The following CARF variants were observed in gnomAD, a reference collection of about 807,000 sequenced individuals.
The protein encoded by CARF is calcium-responsive transcription factor.
A neutral mutation model predicts 82.0 loss-of-function variants in CARF; 57 were observed. The observed-to-expected ratio is 0.70, with a 90% CI of 0.56 to 0.87. The LOEUF (loss-of-function observed/expected upper bound fraction) is 0.87, where lower values mean the gene tolerates loss of function less well. Among genes scored for constraint, CARF ranks in the 40% least tolerant of loss-of-function variants. The pLI is 0.00. For synonymous variants in CARF, 268 were observed against 290.1 expected, an observed-to-expected ratio of 0.92 and a Z score of 0.77; for missense variants, 771 against 855.8, an observed-to-expected ratio of 0.90 and a Z score of 1.24.
intron 8 of CARF, among the ~76,000 whole-genome samples, chr2:202,957,953 A>G (rs1356064004): frequency 6.6e-6 from 1 of 152,124 alleles, no homozygotes; most frequent in East Asian, 1.9e-4. Flanking sequence ...CAAAAAAAAA[A>G]ATTAAAAAAT....
chr2:202,933,249 T>C lies in CARF; in HGVS notation c.-43-8611T>C, dbSNP rs374486045. On this transcript the variant is annotated intron_variant, in intron 3 of 16. Transcript: ENST00000438828. ...ATGTTGGGCCACTGGGCTAGTGTGA[T>C]TCAGTCTTGGCTTAGCCTCAGGGAT... 1.7e-4 allele frequency among the ~76,000 whole-genome samples: 26 copies of C among 152,242 alleles called. No homozygotes were observed. The East Asian group carries it at 3.3e-3, about 19-fold the overall frequency.
intron 6 of CARF, among the ~76,000 whole-genome samples, 163 bp from the exon 7 acceptor site, chr2:202,953,837 TTAAAG>T (rs1355447359): frequency 6.6e-6 from 1 of 152,172 alleles, no homozygotes; most frequent in Non-Finnish European, 1.5e-5. Flanking sequence ...GTATTATAAT[TTAAAG>T]TAAACAAGTA....
chr2:202,927,124 CT>C (rs541369915), intron 3 of CARF, among the ~76,000 whole-genome samples: 18 of 152,080 alleles, frequency 1.2e-4, no homozygotes, highest in African/African-American at 3.9e-4. Context: ...CTTATTTGTG[CT>C]TTTTTTTCTT....
Position 202,961,266 on chromosome 2 carries a change from TGTAA to T in CARF, c.675_678del (p.Ser226ArgfsTer4), listed in dbSNP as rs753767587. The T allele has an allele frequency of 1.4e-5, 22 of 1,613,806 alleles. No individual in the cohort carries two copies. The highest frequency in any genetic ancestry group is 3.3e-4 in the Middle Eastern group (2 of 6,082). ...TTGGAGATTCATACCGTGGCTACTGTGTAAGTGAGACTGAATTAGAAAGTGTCCT... is the reference window on the plus strand; with the variant it reads ...TTGGAGATTCATACCGTGGCTACTGTGTGAGACTGAATTAGAAAGTGTCCT... On this transcript the variant is annotated frameshift_variant, in exon 9 of 17. Coordinates refer to ENST00000438828, the MANE Select transcript of CARF (RefSeq NM_024744.17). LOFTEE classifies it high-confidence loss of function.
At chr2:202,951,821 C>G (rs1351339745) in intron 5 of CARF, among the ~76,000 whole-genome samples, 1 of 151,042 alleles carries the variant, frequency 6.6e-6, no homozygotes, top group Non-Finnish European at 1.5e-5. Flanking sequence ...TTTAATTAGA[C>G]ATTTATCAAG....
chr2:202,922,267 C>T (rs1690971495), intron 2 of CARF, among the ~76,000 whole-genome samples: 1 of 152,040 alleles, frequency 6.6e-6, no homozygotes, highest in South Asian at 2.1e-4. Context: ...CACATGCCAC[C>T]ACACCCAGCT....
intron 11 of CARF, 70 bp from the exon 12 acceptor site, chr2:202,971,435 C>A: frequency 1.1e-6 from 1 of 877,228 alleles, no homozygotes; most frequent in South Asian, 1.9e-5. Context: ...ATGATTCCTA[C>A]TTTGGTCTAA....
intron 12 of CARF, chr2:202,973,452 A>G (rs146569169): frequency 0.011 from 4,837 of 435,694 alleles, 58 homozygotes; most frequent in Non-Finnish European, 0.017. Context: ...TTCTATTTCT[A>G]TCTTCTTTTG....
intron 14 of CARF, among the ~76,000 whole-genome samples, chr2:202,977,938 C>G (rs72932553): frequency 6.6e-6 from 1 of 152,224 alleles, no homozygotes; most frequent in East Asian, 1.9e-4. Context: ...CTCAGCCTCC[C>G]GGGTTCAAGT....
intron 1 of CARF, among the ~76,000 whole-genome samples, chr2:202,913,957 C>G (rs1689123393): frequency 6.6e-6 from 1 of 152,126 alleles, no homozygotes; most frequent in Non-Finnish European, 1.5e-5. Flanking sequence ...CTAAAATACA[C>G]TTTTCATTTG....
At chr2:202,944,333 TTGAATTTTC>T (rs2058386165) in intron 5 of CARF, among the ~76,000 whole-genome samples, 1 of 152,216 alleles carries the variant, frequency 6.6e-6, no homozygotes, top group African/African-American at 2.4e-5. Context: ...TCTTGTTTAC[TTGAATTTTC>T]TGAATTTTCT....
At chr2:202,933,493 T>C (rs1693336382) in intron 3 of CARF, among the ~76,000 whole-genome samples, 1 of 152,052 alleles carries the variant, frequency 6.6e-6, no homozygotes, top group Admixed American at 6.5e-5. Flanking sequence ...GTGAGGTCTA[T>C]TGGTAGGGTT....
At chr2:202,982,512 G>T in intron 16 of CARF, 71 bp downstream of exon 16, 1 of 1,519,858 alleles carries the variant, frequency 6.6e-7, no homozygotes, top group Non-Finnish European at 8.9e-7. Context: ...TTATACTATA[G>T]ATAAAACTAT....
In CARF at chr2:202,966,723, T is replaced by A. The variant is rs550272515; in HGVS notation, c.833-255T>A. ...AGACTCCGTCTCAAAAAAAAAAAAA[T>A]TATATGCCAGTAGACACTCAGTAAA... On this transcript the variant is annotated intron_variant, in intron 9 of 16. Coordinates refer to ENST00000438828, the MANE Select transcript of CARF (RefSeq NM_024744.17). Among the ~76,000 whole-genome samples, 760 of 151,904 alleles carry A rather than the reference T, an allele frequency of 5.0e-3. 7 individuals are homozygous for A. The highest frequency in any genetic ancestry group is 0.017 in the African/African-American group (722 of 41,452).
intron 10 of CARF, among the ~76,000 whole-genome samples, chr2:202,967,564 T>C (rs552485254): frequency 4.5e-4 from 68 of 152,316 alleles, no homozygotes; most frequent in Middle Eastern, 3.4e-3. Flanking sequence ...GCTGACTCCA[T>C]AGATGTACAT....
chr2:202,966,396 CT>C (rs2105898845), intron 9 of CARF, among the ~76,000 whole-genome samples: 1 of 152,254 alleles, frequency 6.6e-6, no homozygotes, highest in South Asian at 2.1e-4. Flanking sequence ...CATTTGCTCA[CT>C]ATTTATAAAA....
At chr2:202,977,540 C>T (rs941737907) in intron 14 of CARF, among the ~76,000 whole-genome samples, 1 of 152,148 alleles carries the variant, frequency 6.6e-6, no homozygotes, top group African/African-American at 2.4e-5. Context: ...TTATGACTGA[C>T]ATTTTGAAGC....
intron 1 of CARF, among the ~76,000 whole-genome samples, chr2:202,916,385 G>A (rs778943921): frequency 4.6e-5 from 7 of 151,932 alleles, no homozygotes; most frequent in Non-Finnish European, 1.0e-4. Flanking sequence ...GTTTCACCAC[G>A]TTGGCCAGGA....
intron 9 of CARF, among the ~76,000 whole-genome samples, chr2:202,966,666 C>T (rs957645066): frequency 6.6e-6 from 1 of 151,780 alleles, no homozygotes; most frequent in African/African-American, 2.4e-5. Flanking sequence ...GCCAAGATTG[C>T]GCCACTGTGC....
Sources: gnomAD v4.1 joint callset for allele counts (sites outside exome capture counted in the v4.1 genomes callset) on GRCh38, gnomAD v4.1.1 for gene constraint, MANE v1.5 for transcripts, NCBI Gene and HGNC (gene_info 2026-07-23, HGNC 2026-07-21) for gene names.